The following TP63 variants were observed in gnomAD, a reference collection of about 807,000 sequenced individuals.
The protein encoded by TP63 is tumor protein 63.
Under a neutral mutation model 82.8 loss-of-function variants are expected in TP63, and 17 were observed. That is an observed-to-expected ratio of 0.21 (90% CI 0.14 to 0.31). The LOEUF (loss-of-function observed/expected upper bound fraction) is 0.31. Among genes scored for constraint, TP63 ranks in the 10% least tolerant of loss-of-function variants. TP63 has a pLI of 1.00. For synonymous variants in TP63, 330 were observed against 321.7 expected (o/e 1.03, Z -0.28); for missense variants, 648 against 895.3 (o/e 0.72, Z 3.52).
At chr3:189,840,908 T>C (rs1714021423) in intron 4 of TP63, among the ~76,000 whole-genome samples, 1 of 151,476 alleles carries the variant, frequency 6.6e-6, no homozygotes, top group Admixed American at 6.6e-5. Context: ...AATAACCTTC[T>C]TGGGCTTTGA....
intron 3 of TP63, among the ~76,000 whole-genome samples, chr3:189,761,843 G>A (rs1722600796): frequency 6.6e-6 from 1 of 152,200 alleles, no homozygotes; most frequent in African/African-American, 2.4e-5. Context: ...CTGAAGGCAA[G>A]GAGGAGCAAG....
chr3:189,810,484 A>G (rs1404394170), intron 4 of TP63, among the ~76,000 whole-genome samples: 1 of 152,106 alleles, frequency 6.6e-6, no homozygotes, highest in Non-Finnish European at 1.5e-5. Context: ...TTTTTAGAAA[A>G]CCATGGGGAT....
chr3:189,731,409 C>CA (rs1228853327), intron 1 of TP63, among the ~76,000 whole-genome samples: 2 of 152,068 alleles, frequency 1.3e-5, no homozygotes, highest in Non-Finnish European at 2.9e-5. Context: ...ACCAGTGAAC[C>CA]AGTTCTTCTT....
At chr3:189,747,131 A>G (rs1298735004) in intron 3 of TP63, among the ~76,000 whole-genome samples, 3 of 152,100 alleles carry the variant, frequency 2.0e-5, no homozygotes, top group Non-Finnish European at 4.4e-5. Context: ...AAAGGGAGAG[A>G]AAGACTTCAG....
chr3:189,725,446 A>T (rs958472190), intron 1 of TP63, among the ~76,000 whole-genome samples: 1 of 152,234 alleles, frequency 6.6e-6, no homozygotes, highest in African/African-American at 2.4e-5. Flanking sequence ...GACTAATTTT[A>T]AAGTTTAAAA....
the TP63 span, among the ~76,000 whole-genome samples, chr3:189,618,833 C>G: frequency 6.6e-6 from 1 of 152,148 alleles, no homozygotes; most frequent in African/African-American, 2.4e-5. Flanking sequence ...CTTCCCTCAG[C>G]CTCTTTATTT....
At chr3:189,600,273 A>G in the TP63 span, among the ~76,000 whole-genome samples, 4 of 152,166 alleles carry the variant, frequency 2.6e-5, no homozygotes, top group African/African-American at 9.7e-5. Flanking sequence ...TTCTGTCTCT[A>G]GTTTGCCATG....
At chr3:189,800,490 GAAAA>G (rs1300826682) in intron 3 of TP63, among the ~76,000 whole-genome samples, 2 of 135,010 alleles carry the variant, frequency 1.5e-5, no homozygotes, top group African/African-American at 2.7e-5. Context: ...AAAAAAAAAA[GAAAA>G]AAAAAGCAAA....
rs1443350973 is a variant in TP63 at position 189,631,473 on chromosome 3, A to G, written c.-43A>G. ...ACACAGGTATATGTGTATATTTTAT[A>G]TAATTGTTCTCCGTTCGTTGATATC... is the stretch of plus-strand genomic sequence containing the variant. On this transcript the variant is annotated 5_prime_UTR_variant, in exon 1 of 14. In the 5' UTR this introduces an upstream ATG that the reference lacks. Transcript: ENST00000264731. 6.2e-7 allele frequency: 1 copy of G among 1,611,552 alleles called. No individual in the cohort carries two copies. Among genetic ancestry groups the G allele is most frequent in the East Asian group, 2.2e-5 (1 of 44,796 alleles).
chr3:189,729,058 A>G (rs187214704), intron 1 of TP63, among the ~76,000 whole-genome samples: 25 of 152,338 alleles, frequency 1.6e-4, no homozygotes, highest in Admixed American at 8.5e-4. Context: ...GAGTAACCTA[A>G]TGAAAATTCT....
At chr3:189,813,685 T>C (rs1727839547) in intron 4 of TP63, among the ~76,000 whole-genome samples, 1 of 152,160 alleles carries the variant, frequency 6.6e-6, no homozygotes, top group African/African-American at 2.4e-5. Context: ...TTTTTGCTGT[T>C]GTATCTTTCT....
chr3:189,853,303 A>G (rs1253400567), intron 4 of TP63, among the ~76,000 whole-genome samples: 1 of 152,108 alleles, frequency 6.6e-6, no homozygotes, highest in Non-Finnish European at 1.5e-5. Flanking sequence ...TTCCTATCTC[A>G]CACGAAAAAA....
chr3:189,832,704 G>C (rs1035948207), intron 4 of TP63, among the ~76,000 whole-genome samples: 6 of 152,146 alleles, frequency 3.9e-5, no homozygotes, highest in Non-Finnish European at 8.8e-5. Context: ...TGAGTACCAG[G>C]TCAAAAACTC....
intron 3 of TP63, among the ~76,000 whole-genome samples, chr3:189,788,930 G>A (rs1576957593): frequency 7.3e-6 from 1 of 136,410 alleles, no homozygotes; most frequent in Non-Finnish European, 1.6e-5. Flanking sequence ...ATAGATAAGC[G>A]TTTTGTTAAA....
intron 10 of TP63, chr3:189,881,054 T>C (rs146081754): frequency 5.3e-4 from 526 of 985,406 alleles, no homozygotes; most frequent in Non-Finnish European, 6.2e-4. Flanking sequence ...AAGCTCAAAA[T>C]AGAATTTGAA....
At chr3:189,892,633 A>T (rs888977385) in intron 13 of TP63, among the ~76,000 whole-genome samples, 2 of 152,008 alleles carry the variant, frequency 1.3e-5, no homozygotes, top group African/African-American at 4.8e-5. Context: ...TCTACTAAAA[A>T]TACAAAAAAT....
chr3:189,694,564 T>C (rs550884652), intron 1 of TP63, among the ~76,000 whole-genome samples: 3 of 152,176 alleles, frequency 2.0e-5, no homozygotes, highest in Admixed American at 6.5e-5. Context: ...CATTTTTTAA[T>C]GATAAACCTG....
intron 11 of TP63, among the ~76,000 whole-genome samples, chr3:189,888,910 A>G (rs1191899125): frequency 6.6e-6 from 1 of 152,224 alleles, no homozygotes; most frequent in African/African-American, 2.4e-5. Context: ...CCCTAAGTTT[A>G]CTGAGCACCT....
intron 8 of TP63, 128 bp from the exon 9 acceptor site, chr3:189,869,196 G>C: frequency 1.3e-6 from 1 of 756,392 alleles, no homozygotes; most frequent in Non-Finnish European, 2.2e-6. Context: ...TGTGTTGCTG[G>C]TACTACTGTC....
Sources: gnomAD v4.1 joint callset for allele counts (sites outside exome capture counted in the v4.1 genomes callset) on GRCh38, gnomAD v4.1.1 for gene constraint, MANE v1.5 for transcripts, NCBI Gene and HGNC (gene_info 2026-07-23, HGNC 2026-07-21) for gene names.